Variants in TPX2 observed in about 807,000 individuals in gnomAD.
TPX2 encodes targeting protein for Xklp2.
In TPX2, 21 loss-of-function variants were observed where a neutral mutation model predicts 93.6. That is an observed-to-expected ratio of 0.22 (90% CI 0.16 to 0.32). TPX2 has a LOEUF of 0.32. TPX2 is among the 10% of genes least tolerant of loss of function. The pLI is 1.00. For synonymous variants in TPX2, 281 were observed against 298.3 expected (o/e 0.94, Z 0.60); for missense variants, 776 against 871.1 (o/e 0.89, Z 1.37).
At chr20:31,789,260 G>A (rs112104573) in intron 12 of TPX2, among the ~76,000 whole-genome samples, 251 of 152,262 alleles carry the variant, frequency 1.6e-3, no homozygotes, top group Non-Finnish European at 2.7e-3. Flanking sequence ...AACAGGGACC[G>A]TGTGTATCTA....
At position 31,776,080 on chromosome 20, in the gene TPX2, T is replaced by G. The variant is rs988946143; in HGVS notation, c.730+92T>G. ...TTTTTTTTTTTTTTTTTTTTTTTTT[T>G]TTTTTTTTTTTGAGACGGAGTCTCG... is the stretch of plus-strand genomic sequence containing the variant. On this transcript the variant is annotated intron_variant, in intron 8 of 17. Transcript: ENST00000300403. The G allele has an allele frequency of 4.5e-5, 35 of 779,218 alleles. No individual in the cohort carries two copies. In the African/African-American group the frequency reaches 9.8e-4, roughly 22 times the overall value. The allele number at this position is 779,218 out of a possible 1,614,324, so 48.3% of individuals were successfully genotyped here. A position where few individuals can be genotyped will look rare whatever the true frequency, so the allele number is the denominator to read the frequency against.
At chr20:31,755,661 T>C (rs2061847500) in intron 2 of TPX2, among the ~76,000 whole-genome samples, 1 of 151,340 alleles carries the variant, frequency 6.6e-6, no homozygotes. Flanking sequence ...TACTAGAGAC[T>C]GAGGCAGGAG....
At chr20:31,765,606 T>G (rs2061920199) in intron 4 of TPX2, among the ~76,000 whole-genome samples, 1 of 152,206 alleles carries the variant, frequency 6.6e-6, no homozygotes, top group African/African-American at 2.4e-5. Flanking sequence ...TAACTTGTGC[T>G]GTGGTTACAT....
chr20:31,784,987 T>C (rs1427439037), intron 12 of TPX2, among the ~76,000 whole-genome samples: 1 of 152,096 alleles, frequency 6.6e-6, no homozygotes, highest in Non-Finnish European at 1.5e-5. Context: ...AGAGTCACCA[T>C]GCTTTTAGGG....
At chr20:31,792,656 G>GA in intron 12 of TPX2, 79 bp from the exon 13 acceptor site, 1 of 1,376,984 alleles carries the variant, frequency 7.3e-7, no homozygotes, top group South Asian at 1.2e-5. Context: ...ACCCAAAGGG[G>GA]AAAAAAGGAT....
At chr20:31,767,645 G>C (rs1383606619) in intron 5 of TPX2, among the ~76,000 whole-genome samples, 1 of 150,366 alleles carries the variant, frequency 6.7e-6, no homozygotes, top group Admixed American at 6.6e-5. Flanking sequence ...ACAACCTCCT[G>C]GGCTCAAGCA....
At chr20:31,769,740 T>C (rs2061953075) in intron 5 of TPX2, among the ~76,000 whole-genome samples, 1 of 152,196 alleles carries the variant, frequency 6.6e-6, no homozygotes. Flanking sequence ...ATTTTTGTTT[T>C]GTGCACTTTT....
At position 31,763,816 on chromosome 20, in the gene TPX2, G is replaced by A. The variant is rs74183465; in HGVS notation, c.230-2740G>A. ...GGGCGGATCACAAGGTCAGGAGTTCGAGACCAGCCTGGCCAATATGGTGAA... is the reference window on the plus strand; with the variant it reads ...GGGCGGATCACAAGGTCAGGAGTTCAAGACCAGCCTGGCCAATATGGTGAA... On this transcript the variant is annotated intron_variant, in intron 4 of 17. Transcript: ENST00000300403. Among the ~76,000 whole-genome samples the A allele has an allele frequency of 1.6e-3, 236 of 149,434 alleles. 2 individuals carry two copies. Among genetic ancestry groups the A allele is most frequent in the African/African-American group, 5.6e-3 (228 of 40,662 alleles).
intron 11 of TPX2, among the ~76,000 whole-genome samples, chr20:31,783,089 C>T (rs17339879): frequency 0.053 from 8,023 of 152,044 alleles, 262 homozygotes; most frequent in Middle Eastern, 0.11. Flanking sequence ...TAGTGTGATT[C>T]GTAGCATTGG....
intron 17 of TPX2, among the ~76,000 whole-genome samples, chr20:31,800,548 T>C (rs1473490581): frequency 6.6e-6 from 1 of 152,226 alleles, no homozygotes; most frequent in East Asian, 1.9e-4. Context: ...TTTTGCTTTT[T>C]CCCCAGGATT....
At chr20:31,739,810 T>C (rs750339461) in intron 1 of TPX2, among the ~76,000 whole-genome samples, 189 bp downstream of exon 1, 2 of 152,058 alleles carry the variant, frequency 1.3e-5, no homozygotes, top group Admixed American at 6.6e-5. Context: ...CTAGATAAAT[T>C]TCGAGAAATG....
intron 2 of TPX2, among the ~76,000 whole-genome samples, chr20:31,747,695 A>G (rs547077989): frequency 6.6e-6 from 1 of 151,856 alleles, no homozygotes; most frequent in Non-Finnish European, 1.5e-5. Context: ...AGATTCAGAT[A>G]ATTTTGAAAT....
At chr20:31,764,691 A>C (rs1049681392) in intron 4 of TPX2, among the ~76,000 whole-genome samples, 2 of 152,184 alleles carry the variant, frequency 1.3e-5, no homozygotes, top group African/African-American at 4.8e-5. Context: ...AAATGCATCT[A>C]TTTTAGCCTT....
chr20:31,743,212 A>G (rs1276285292), intron 2 of TPX2, among the ~76,000 whole-genome samples: 1 of 152,124 alleles, frequency 6.6e-6, no homozygotes, highest in African/African-American at 2.4e-5. Context: ...CTCAAAACAA[A>G]CAAAACAAAA....
At chr20:31,769,179 C>G (rs1380247081) in intron 5 of TPX2, among the ~76,000 whole-genome samples, 5 of 151,032 alleles carry the variant, frequency 3.3e-5, no homozygotes, top group Middle Eastern at 3.4e-3. Context: ...CCATTGTGCA[C>G]ATGTACCCTA....
intron 16 of TPX2, among the ~76,000 whole-genome samples, chr20:31,797,982 A>G (rs915056091): frequency 6.6e-6 from 1 of 152,166 alleles, no homozygotes; most frequent in Non-Finnish European, 1.5e-5. Context: ...GGATCACTTG[A>G]GCCCAGGGAT....
intron 2 of TPX2, among the ~76,000 whole-genome samples, chr20:31,749,534 G>C (rs771745824): frequency 6.6e-6 from 1 of 152,044 alleles, no homozygotes; most frequent in Non-Finnish European, 1.5e-5. Context: ...GGTGGCTTAC[G>C]CTAGTAATCC....
At chr20:31,776,244 C>G (rs2061998790) in intron 8 of TPX2, among the ~76,000 whole-genome samples, 1 of 151,058 alleles carries the variant, frequency 6.6e-6, no homozygotes, top group African/African-American at 2.4e-5. Context: ...CCGCGCCCGG[C>G]TAATTTTTTG....
Position 31,800,981 on chromosome 20 carries a change from A to G in TPX2, c.2145A>G (p.Ala715=), listed in dbSNP as rs1195016232. ...ARLRRELVHK[A]NPIRKYQGLE... ...TCCTTACTTTGCAGGTGCATAAGGCAAATCCAATACGCAAGTACCAGGGTC... is the reference window on the plus strand; with the variant it reads ...TCCTTACTTTGCAGGTGCATAAGGCGAATCCAATACGCAAGTACCAGGGTC... The change falls in exon 18 of 18, where the codon GCA becomes GCG. Residue 715 remains alanine (A), a synonymous_variant. Transcript: ENST00000300403. The G allele has an allele frequency of 6.2e-7, 1 of 1,614,180 alleles. No individual in the cohort carries two copies. Among genetic ancestry groups the G allele is most frequent in the Non-Finnish European group, 8.5e-7 (1 of 1,180,008 alleles).
Sources: allele counts gnomAD v4.1 joint callset (sites outside exome capture counted in the v4.1 genomes callset), GRCh38; gene constraint gnomAD v4.1.1; transcripts MANE v1.5; gene names NCBI Gene and HGNC (gene_info 2026-07-23, HGNC 2026-07-21).